Variants in LRRTM4 observed in about 807,000 individuals in gnomAD.
LRRTM4 encodes leucine-rich repeat transmembrane neuronal protein 4.
In LRRTM4, 25 loss-of-function variants were observed where a neutral mutation model predicts 47.6. The ratio of observed to expected loss-of-function variants is 0.53; its 90% confidence interval spans 0.38 to 0.73. LRRTM4 has a LOEUF of 0.73. LRRTM4 is among the 30% of genes least tolerant of loss of function. LRRTM4 has a pLI of 0.00. For missense variants in LRRTM4, 638 were observed against 713.4 expected (o/e 0.89, Z 1.20); for synonymous variants, 311 against 269.5 (o/e 1.15, Z -1.51).
At chr2:77,224,038 C>T (rs1232781717) in intron 3 of LRRTM4, among the ~76,000 whole-genome samples, 1 of 151,220 alleles carries the variant, frequency 6.6e-6, no homozygotes, top group Non-Finnish European at 1.5e-5. Flanking sequence ...CAGAACAGAG[C>T]CCTCAGAAAT....
chr2:77,244,546 T>G (rs1185189934), intron 3 of LRRTM4, among the ~76,000 whole-genome samples: 2 of 152,138 alleles, frequency 1.3e-5, no homozygotes, highest in Non-Finnish European at 2.9e-5. Context: ...AAATAGAGAT[T>G]ATGGAAGGCA....
intron 3 of LRRTM4, among the ~76,000 whole-genome samples, chr2:76,780,981 G>C (rs376799386): frequency 3.9e-5 from 6 of 152,246 alleles, no homozygotes; most frequent in Admixed American, 2.0e-4. Flanking sequence ...TTCTAACAGA[G>C]AGGACCCTCA....
At chr2:76,817,907 T>C (rs573780491) in intron 3 of LRRTM4, among the ~76,000 whole-genome samples, 3 of 152,112 alleles carry the variant, frequency 2.0e-5, no homozygotes, top group East Asian at 1.9e-4. Context: ...AGAGGAATTG[T>C]GTTATTTAGC....
intron 3 of LRRTM4, among the ~76,000 whole-genome samples, chr2:77,195,076 CAGA>C (rs896436380): frequency 6.6e-6 from 1 of 151,886 alleles, no homozygotes; most frequent in African/African-American, 2.4e-5. Flanking sequence ...AATTTTAAAA[CAGA>C]GGATTTAGAA....
At chr2:76,800,228 C>G (rs1290388214) in intron 3 of LRRTM4, among the ~76,000 whole-genome samples, 1 of 148,432 alleles carries the variant, frequency 6.7e-6, no homozygotes, top group Non-Finnish European at 1.5e-5. Flanking sequence ...GTGACCAAAA[C>G]AGCATGGTAC....
chr2:77,332,459 A>C (rs1250822493), intron 3 of LRRTM4, among the ~76,000 whole-genome samples: 2 of 152,194 alleles, frequency 1.3e-5, no homozygotes, highest in Non-Finnish European at 2.9e-5. Context: ...GTAGTGCTCT[A>C]GAAACTGGGG....
intron 3 of LRRTM4, among the ~76,000 whole-genome samples, chr2:77,059,210 C>T (rs1185691711): frequency 6.6e-6 from 1 of 152,118 alleles, no homozygotes; most frequent in African/African-American, 2.4e-5. Flanking sequence ...AAAGAATACA[C>T]TTCAAAATAA....
At chr2:77,505,846 T>C (rs1678748164) in intron 3 of LRRTM4, among the ~76,000 whole-genome samples, 1 of 151,594 alleles carries the variant, frequency 6.6e-6, no homozygotes, top group African/African-American at 2.4e-5. Flanking sequence ...AGACAATATT[T>C]TTTATAATAT....
chr2:77,040,034 T>C (rs889551199), intron 3 of LRRTM4, among the ~76,000 whole-genome samples: 1 of 151,220 alleles, frequency 6.6e-6, no homozygotes, highest in Non-Finnish European at 1.5e-5. Context: ...AATCAAATTA[T>C]CTTGATGTAT....
rs963206107 is a variant in LRRTM4, at chr2:77,082,397, C to A, written c.1552-333481G>T. Among the ~76,000 whole-genome samples, 5 of 151,958 alleles carry A rather than the reference C, an allele frequency of 3.3e-5. No homozygotes were observed. In the South Asian group the frequency reaches 1.0e-3, roughly 32 times the overall value. The stretch of plus-strand genomic sequence containing the variant: ...CCTTACTATTATGCTGTATTTTGTT[C>A]TTTTCATAAGTTGTGTCATAGAAAC... On this transcript the variant is annotated intron_variant, in intron 3 of 3. Coordinates refer to ENST00000409884, the MANE Select transcript of LRRTM4 (RefSeq NM_001134745.3).
At chr2:77,281,899 C>G (rs917427278) in intron 3 of LRRTM4, among the ~76,000 whole-genome samples, 1 of 151,660 alleles carries the variant, frequency 6.6e-6, no homozygotes. Context: ...TAAAATAAGA[C>G]GCAGGTGACA....
At chr2:76,942,666 C>G (rs1675187094) in intron 3 of LRRTM4, among the ~76,000 whole-genome samples, 1 of 98,390 alleles carries the variant, frequency 1.0e-5, no homozygotes, top group Non-Finnish European at 1.9e-5. Context: ...AGTAACCAAC[C>G]TCTAGGAATC....
intron 3 of LRRTM4, among the ~76,000 whole-genome samples, chr2:76,922,700 T>C (rs903137782): frequency 6.6e-6 from 1 of 152,030 alleles, no homozygotes; most frequent in Non-Finnish European, 1.5e-5. Flanking sequence ...GGCCTAAATG[T>C]ACAGCATGGG....
intron 3 of LRRTM4, among the ~76,000 whole-genome samples, chr2:76,783,981 A>G (rs932368832): frequency 1.3e-5 from 2 of 152,164 alleles, no homozygotes; most frequent in Admixed American, 1.3e-4. Flanking sequence ...AAAATGTTTG[A>G]ATGTTAAACA....
chr2:76,883,522 C>A (rs1164506811), intron 3 of LRRTM4, among the ~76,000 whole-genome samples: 1 of 152,106 alleles, frequency 6.6e-6, no homozygotes, highest in African/African-American at 2.4e-5. Context: ...ACACATGCCC[C>A]ACTGGAAAAT....
At position 76,807,407 on chromosome 2, in the gene LRRTM4, CGTAT is replaced by C. The variant is rs1343432570; in HGVS notation, c.1552-58495_1552-58492del. Among the ~76,000 whole-genome samples, 276 of 85,572 alleles carry C rather than the reference CGTAT, an allele frequency of 3.2e-3. 1 individual carries two copies. Among genetic ancestry groups the C allele is most frequent in the Admixed American group, 4.7e-3 (35 of 7,484 alleles). 56.1% of individuals were successfully genotyped at this position (85,572 alleles called of 152,430 possible). On this transcript the variant is annotated intron_variant, in intron 3 of 3. Transcript: ENST00000409884. ...TTATATATATATATATATGTATATA[CGTAT>C]ATATATATATATACATATATATATA...
intron 3 of LRRTM4, among the ~76,000 whole-genome samples, chr2:76,781,882 A>C (rs562477118): frequency 6.6e-6 from 1 of 152,264 alleles, no homozygotes; most frequent in East Asian, 1.9e-4. Flanking sequence ...TGGTTTTCAC[A>C]AATTGTATCT....
chr2:76,836,399 T>C (rs1345446608), intron 3 of LRRTM4, among the ~76,000 whole-genome samples: 1 of 152,034 alleles, frequency 6.6e-6, no homozygotes. Flanking sequence ...TGTTTTATTT[T>C]GATCATGTCT....
chr2:77,368,648 C>T (rs918420913), intron 3 of LRRTM4, among the ~76,000 whole-genome samples: 2 of 151,634 alleles, frequency 1.3e-5, no homozygotes, highest in South Asian at 2.1e-4. Flanking sequence ...TTGTAAGGTA[C>T]AAGTTTATGC....
Sources: allele counts gnomAD v4.1 joint callset (sites outside exome capture counted in the v4.1 genomes callset), GRCh38; gene constraint gnomAD v4.1.1; transcripts MANE v1.5; gene names NCBI Gene and HGNC (gene_info 2026-07-23, HGNC 2026-07-21).